ZC3H8: variants seen among roughly 807,000 people sequenced by gnomAD.
The protein encoded by ZC3H8 is zinc finger CCCH domain-containing protein 8.
In ZC3H8, 27 loss-of-function variants were observed where a neutral mutation model predicts 42.5. The ratio of observed to expected loss-of-function variants is 0.64; its 90% CI spans 0.47 to 0.88. ZC3H8 has a LOEUF of 0.88. Among genes scored for constraint, ZC3H8 ranks in the 40% least tolerant of loss-of-function variants. ZC3H8 has a pLI of 0.00. For synonymous variants in ZC3H8, 101 were observed against 110.1 expected (o/e 0.92, Z 0.52); for missense variants, 277 against 336.1 (o/e 0.82, Z 1.37).
Position 112,214,451 on chromosome 2 carries a change from T to C in ZC3H8, c.*2033A>G, listed in dbSNP as rs1348593735. The C allele has an allele frequency of 6.6e-6, 1 of 152,048 alleles. No individual in the cohort carries two copies. Among genetic ancestry groups the C allele is most frequent in the Non-Finnish European group, 1.5e-5 (1 of 68,024 alleles). 9.4% of individuals were successfully genotyped at this position (152,048 alleles called of 1,614,324 possible). On this transcript the variant is annotated 3_prime_UTR_variant, in exon 9 of 9. Transcript: ENST00000409573. ...AACTTTCTGGCTTTATTTCTCCTGG[T>C]TTGAATTTTTTAGACTATGGTTTTA...
In ZC3H8 at chr2:112,252,208, G is replaced by A. The variant is rs538000670; in HGVS notation, c.75-1936C>T. On this transcript the variant is annotated intron_variant, in intron 1 of 8. Transcript: ENST00000409573. The stretch of plus-strand genomic sequence containing the variant: ...AACATAACCACCTGAACATCTACTA[G>A]ACATATGTAATCTTAAAACATCCAA... Among the ~76,000 whole-genome samples the A allele has an allele frequency of 2.0e-5, 3 of 152,198 alleles. No individual in the cohort carries two copies. In the South Asian group the frequency reaches 6.2e-4, roughly 32 times the overall value.
chr2:112,237,644 C>T (rs1685397490), intron 3 of ZC3H8, among the ~76,000 whole-genome samples: 5 of 150,214 alleles, frequency 3.3e-5, no homozygotes, highest in African/African-American at 9.8e-5. Context: ...TGTGTGATCT[C>T]GGCTCACTGC....
intron 2 of ZC3H8, among the ~76,000 whole-genome samples, chr2:112,240,986 C>T (rs6731962): frequency 0.11 from 13,273 of 119,726 alleles, 762 homozygotes; most frequent in Non-Finnish European, 0.15. Flanking sequence ...TGTGTGTGTG[C>T]GCGTGTGTAT....
chr2:112,248,008 T>C (rs1312766730), intron 2 of ZC3H8, among the ~76,000 whole-genome samples: 1 of 152,210 alleles, frequency 6.6e-6, no homozygotes, highest in Admixed American at 6.5e-5. Flanking sequence ...GTACCTGCTT[T>C]ATCATCTGTC....
At chr2:112,225,709 C>A (rs954200686) in intron 8 of ZC3H8, among the ~76,000 whole-genome samples, 1 of 152,036 alleles carries the variant, frequency 6.6e-6, no homozygotes, top group African/African-American at 2.4e-5. Context: ...CCCACCTACT[C>A]AGGAGGCTGA....
intron 2 of ZC3H8, among the ~76,000 whole-genome samples, chr2:112,249,295 C>G (rs1685863331): frequency 6.6e-6 from 1 of 152,154 alleles, no homozygotes; most frequent in South Asian, 2.1e-4. Context: ...AAGCCATCAC[C>G]AAAGATTGCC....
chr2:112,219,055 C>T (rs906391772), intron 8 of ZC3H8, among the ~76,000 whole-genome samples: 3 of 152,166 alleles, frequency 2.0e-5, no homozygotes, highest in African/African-American at 7.2e-5. Context: ...AATGCAATCT[C>T]TATCAAATTC....
rs200780916 is a variant in ZC3H8 at position 112,250,208 on chromosome 2, C to T, written c.139G>A (p.Glu47Lys). Residue 47 changes from glutamate (E) to lysine (K), a missense_variant, in exon 2 of 9, where the codon GAG (glutamate) becomes AAG (lysine). Physicochemically the swap from Glu to Lys is moderately conservative, Grantham distance 56. Coordinates refer to ENST00000409573, the MANE Select transcript of ZC3H8 (RefSeq NM_032494.3). ...TQEEKIKLECEQIPKKFRHSA... is the reference protein window; with the variant it reads ...TQEEKIKLECKQIPKKFRHSA... Reference sequence around the variant, plus strand: ...AATCTTACTTTTTTGGGAATTTGCTCGCACTCCAGTTTAATTTTCTCTTCT... The same window carrying T: ...AATCTTACTTTTTTGGGAATTTGCTTGCACTCCAGTTTAATTTTCTCTTCT... The T allele has an allele frequency of 5.0e-5, 78 of 1,566,998 alleles. No individual in the cohort carries two copies. In the East Asian group the frequency reaches 8.7e-4, roughly 18 times the overall value.
chr2:112,243,553 C>T (rs953561769), intron 2 of ZC3H8, among the ~76,000 whole-genome samples: 4 of 151,990 alleles, frequency 2.6e-5, no homozygotes, highest in African/African-American at 9.7e-5. Flanking sequence ...AACTTTGAAC[C>T]CCAATTAAGC....
intron 6 of ZC3H8, among the ~76,000 whole-genome samples, chr2:112,232,436 G>A (rs1167091623): frequency 4.0e-5 from 6 of 151,692 alleles, no homozygotes; most frequent in Admixed American, 6.6e-5. Flanking sequence ...GACTACATAC[G>A]TAAATCAAGT....
chr2:112,249,261 C>T (rs1685862219), intron 2 of ZC3H8, among the ~76,000 whole-genome samples: 1 of 152,032 alleles, frequency 6.6e-6, no homozygotes. Flanking sequence ...AATATGAAGG[C>T]AGAAATCAGG....
chr2:112,237,549 CA>C (rs1305024019), intron 3 of ZC3H8, among the ~76,000 whole-genome samples: 3 of 150,864 alleles, frequency 2.0e-5, no homozygotes, highest in Non-Finnish European at 1.5e-5. Flanking sequence ...GTAAAGAAAA[CA>C]ACAAAAAAAT....
chr2:112,237,376 C>G (rs907747487), intron 3 of ZC3H8, among the ~76,000 whole-genome samples: 5 of 152,138 alleles, frequency 3.3e-5, no homozygotes, highest in African/African-American at 1.2e-4. Flanking sequence ...ACAATGACCT[C>G]ATAAATTACT....
intron 8 of ZC3H8, among the ~76,000 whole-genome samples, chr2:112,222,174 T>C (rs1325573035): frequency 6.6e-6 from 1 of 152,190 alleles, no homozygotes; most frequent in Non-Finnish European, 1.5e-5. Flanking sequence ...ATGTTTCTTT[T>C]GTTGAGTGTT....
chr2:112,229,870 A>T (rs1685014887), intron 8 of ZC3H8, among the ~76,000 whole-genome samples: 1 of 152,108 alleles, frequency 6.6e-6, no homozygotes, highest in Non-Finnish European at 1.5e-5. Flanking sequence ...TTCTTAAATG[A>T]GACACAAAAC....
intron 8 of ZC3H8, chr2:112,230,702 C>A (rs563049558): frequency 4.2e-5 from 10 of 238,882 alleles, no homozygotes; most frequent in African/African-American, 2.3e-4. Flanking sequence ...TAAAAATATA[C>A]CTGATAGACA....
At chr2:112,216,834 AAG>A (rs1327261340) in intron 8 of ZC3H8, among the ~76,000 whole-genome samples, 10 of 152,090 alleles carry the variant, frequency 6.6e-5, no homozygotes, top group Admixed American at 3.9e-4. Flanking sequence ...CAAAAGCAGA[AAG>A]AGAACAAAAA....
intron 2 of ZC3H8, among the ~76,000 whole-genome samples, chr2:112,248,844 T>G (rs1194898366): frequency 6.6e-6 from 1 of 152,100 alleles, no homozygotes; most frequent in Non-Finnish European, 1.5e-5. Context: ...CAAGTGTAAT[T>G]AATTAAGATT....
intron 3 of ZC3H8, among the ~76,000 whole-genome samples, chr2:112,237,103 A>G (rs1055288223): frequency 1.3e-5 from 2 of 152,198 alleles, no homozygotes; most frequent in African/African-American, 4.8e-5. Context: ...ATAATTGAGG[A>G]AAGTTCTCTA....
Sources: gnomAD v4.1 joint callset for allele counts (sites outside exome capture counted in the v4.1 genomes callset) on GRCh38, gnomAD v4.1.1 for gene constraint, MANE v1.5 for transcripts, NCBI Gene and HGNC (gene_info 2026-07-23, HGNC 2026-07-21) for gene names.